Variants in SERAC1 observed in about 807,000 individuals in gnomAD.
The protein encoded by SERAC1 is serine active site containing 1.
In SERAC1, 36 loss-of-function variants were observed where a neutral mutation model predicts 85.7. The ratio of observed to expected loss-of-function variants is 0.42; its 90% CI spans 0.32 to 0.55. The LOEUF is 0.55. Ranked by LOEUF, SERAC1 falls within the 20% of genes least tolerant of loss-of-function variation. The pLI is 0.11. For synonymous variants in SERAC1, 242 were observed against 265.3 expected, an observed-to-expected ratio of 0.91 and a Z score of 0.85; for missense variants, 629 against 796.2, an observed-to-expected ratio of 0.79 and a Z score of 2.53.
At chr6:158,157,538 G>A (rs1038028837) in intron 2 of SERAC1, among the ~76,000 whole-genome samples, 1 of 152,124 alleles carries the variant, frequency 6.6e-6, no homozygotes, top group Non-Finnish European at 1.5e-5. Context: ...ATTGTACCTG[G>A]CACACAGTAG....
At chr6:158,139,662 C>T (rs1295314396) in intron 8 of SERAC1, among the ~76,000 whole-genome samples, 1 of 152,156 alleles carries the variant, frequency 6.6e-6, no homozygotes, top group Non-Finnish European at 1.5e-5. Context: ...GAGTTCAAGG[C>T]TGTAGGGCAT....
chr6:158,164,334 G>A (rs898562013), intron 1 of SERAC1, among the ~76,000 whole-genome samples: 6 of 151,980 alleles, frequency 3.9e-5, no homozygotes, highest in Admixed American at 1.3e-4. Flanking sequence ...AATTAGCTGG[G>A]TGTGGTGGCG....
rs367951518 is a variant in SERAC1, at chr6:158,113,456, T to C, written c.1821A>G (p.Glu607=). 2.9e-5 allele frequency: 47 copies of C among 1,611,814 alleles called. No individual in the cohort carries two copies. In the South Asian group the frequency reaches 5.2e-4, roughly 18 times the overall value. Residue 607 remains glutamate (E), a synonymous_variant, in exon 16 of 17, where the codon GAA becomes GAG. Coordinates refer to ENST00000647468, the MANE Select transcript of SERAC1 (RefSeq NM_032861.4). ...TTTCAAAAGAGTGAATACCTGCTGA[T>C]TCCACAGGTACCACATGGAGCTTAA... ...SMIKLHVVPV[E]SADLGIGDLI...
In SERAC1 at chr6:158,155,718, G is replaced by A. The variant is rs535101407; in HGVS notation, c.92-367C>T. Among the ~76,000 whole-genome samples, 23 of 152,266 alleles carry A rather than the reference G, an allele frequency of 1.5e-4. No homozygotes were observed. The East Asian group carries it at 3.1e-3, about 20-fold the overall frequency. ...TTAACAACCCATTAAAGAAAGAAAT[G>A]GGAAGCATTGTCCCTATCACTACTA... On this transcript the variant is annotated intron_variant, in intron 2 of 16. Transcript: ENST00000647468.
intron 8 of SERAC1, among the ~76,000 whole-genome samples, chr6:158,142,272 C>A (rs1784935550): frequency 6.6e-6 from 1 of 151,030 alleles, no homozygotes; most frequent in African/African-American, 2.4e-5. Flanking sequence ...GCAATCCTCC[C>A]AGCTCAGCCT....
At chr6:158,113,155 A>G in intron 16 of SERAC1, 1 of 401,524 alleles carries the variant, frequency 2.5e-6, no homozygotes, top group East Asian at 3.6e-5. Context: ...GATCTAGCTG[A>G]TAGAAGAGCT....
At chr6:158,160,643 G>T (rs1583612938) in intron 1 of SERAC1, among the ~76,000 whole-genome samples, 1 of 151,882 alleles carries the variant, frequency 6.6e-6, no homozygotes, top group Non-Finnish European at 1.5e-5. Flanking sequence ...TACATTTATC[G>T]CATGTTGGAT....
intron 10 of SERAC1, among the ~76,000 whole-genome samples, chr6:158,127,410 C>T (rs1211490696): frequency 9.8e-4 from 41 of 41,956 alleles, no homozygotes; most frequent in East Asian, 2.9e-3. Context: ...CCGCCCCGTC[C>T]GGGAGGTGAG....
chr6:158,132,706 G>A (rs1784706230), intron 8 of SERAC1, among the ~76,000 whole-genome samples: 1 of 152,174 alleles, frequency 6.6e-6, no homozygotes, highest in Non-Finnish European at 1.5e-5. Flanking sequence ...CACTTTTGGC[G>A]AAGCTTGTTA....
At chr6:158,155,700 C>A (rs756039628) in intron 2 of SERAC1, among the ~76,000 whole-genome samples, 1 of 152,256 alleles carries the variant, frequency 6.6e-6, no homozygotes, top group East Asian at 1.9e-4. Context: ...TAGTTAACAA[C>A]CCATTAAAGA....
At chr6:158,123,974 A>G (rs1784477141) in intron 10 of SERAC1, among the ~76,000 whole-genome samples, 1 of 152,156 alleles carries the variant, frequency 6.6e-6, no homozygotes. Context: ...GGTTTCAGGC[A>G]GTGATTAGGT....
At position 158,120,620 on chromosome 6, in the gene SERAC1, G is replaced by C. The variant is rs200436556; in HGVS notation, c.1016-45C>G. ...TCCTAAATACTGATGTGAATCCATC[G>C]CAGACCACAGAGAGAGTGAGGTTTC... On this transcript the variant is annotated intron_variant, in intron 10 of 16. Coordinates refer to ENST00000647468, the MANE Select transcript of SERAC1 (RefSeq NM_032861.4). The surrounding 1 kb of genome is among the most constrained non-coding windows in gnomAD (Gnocchi z 4.4). 7.6e-6 allele frequency: 12 copies of C among 1,589,258 alleles called. No homozygotes were observed. The African/African-American group carries it at 1.6e-4, about 21-fold the overall frequency.
In SERAC1 at chr6:158,113,567, T is replaced by C; in HGVS notation, c.1710A>G (p.Gln570=). ...CTTTAGCAAACTCCAGAAAGTCATC[T>C]TGTAGTGTTTTAAGTGCAGGAGAAT... ...SKDSPALKTL[Q]DDFLEFAKDK... Residue 570 remains glutamine (Q), a synonymous_variant, in exon 16 of 17, where the codon CAA becomes CAG. Coordinates refer to ENST00000647468, the MANE Select transcript of SERAC1 (RefSeq NM_032861.4). 2 of 1,614,026 alleles carry C rather than the reference T, an allele frequency of 1.2e-6. No homozygotes were observed. The highest frequency in any genetic ancestry group is 1.7e-6 in the Non-Finnish European group (2 of 1,179,884).
chr6:158,122,360 T>C (rs999393667), intron 10 of SERAC1, among the ~76,000 whole-genome samples: 3 of 152,250 alleles, frequency 2.0e-5, no homozygotes, highest in Admixed American at 2.0e-4. Flanking sequence ...AAAAGTAGCA[T>C]CTAATGATGA....
chr6:158,165,262 TCTC>T (rs1170250077), intron 1 of SERAC1, among the ~76,000 whole-genome samples: 2 of 152,072 alleles, frequency 1.3e-5, no homozygotes, highest in South Asian at 2.1e-4. Flanking sequence ...TTCACACCAT[TCTC>T]CTGCCTCAGC....
At chr6:158,143,355 A>C (rs1026585283) in intron 7 of SERAC1, among the ~76,000 whole-genome samples, 171 bp from the exon 8 acceptor site, 932 of 38,664 alleles carry the variant, frequency 0.024, 4 homozygotes, top group Non-Finnish European at 0.024. Context: ...CTCTATATAT[A>C]TATATATATA....
chr6:158,111,733 C>A (rs150892111), intron 16 of SERAC1: 1 of 342,466 alleles, frequency 2.9e-6, no homozygotes, highest in Non-Finnish European at 5.3e-6. Flanking sequence ...ATGAACTTTT[C>A]GTATGTGTTC....
intron 1 of SERAC1, among the ~76,000 whole-genome samples, chr6:158,164,480 A>AAT (rs1464709432): frequency 4.0e-5 from 6 of 151,352 alleles, no homozygotes; most frequent in South Asian, 2.1e-4. Flanking sequence ...ATCTCAAAAA[A>AAT]ATATATATAT....
chr6:158,161,883 C>T (rs569139814), intron 1 of SERAC1: 4 of 152,280 alleles, frequency 2.6e-5, no homozygotes, highest in Admixed American at 2.0e-4. Flanking sequence ...CCAAATTATT[C>T]GAACTATCCA....
Sources: gnomAD v4.1 joint callset for allele counts (sites outside exome capture counted in the v4.1 genomes callset) on GRCh38, gnomAD v4.1.1 for gene constraint, Gnocchi (gnomAD v3.1) non-coding constraint, MANE v1.5 for transcripts, NCBI Gene and HGNC (gene_info 2026-07-23, HGNC 2026-07-21) for gene names.